The following GLIS3 variants were observed in gnomAD, a reference collection of about 807,000 sequenced individuals.
GLIS3 encodes GLIS family zinc finger 3.
GLIS3 carries 53 observed loss-of-function variants against 78.6 expected under a neutral mutation model. The observed-to-expected ratio is 0.67, with a 90% CI of 0.54 to 0.85. The LOEUF is 0.85. GLIS3 is among the 40% of genes least tolerant of loss of function. The probability of loss-of-function intolerance (pLI) is 0.00; values close to 1 mark genes in which losing one functional copy is unlikely to be tolerated. For synonymous variants in GLIS3, 684 were observed against 509.9 expected (o/e 1.34, Z -4.60); for missense variants, 1,703 against 1,231.1 (o/e 1.38, Z -5.74).
intron 4 of GLIS3, among the ~76,000 whole-genome samples, chr9:4,096,642 C>A (rs806033): frequency 0.18 from 26,701 of 151,954 alleles, 3,347 homozygotes; most frequent in African/African-American, 0.36. Flanking sequence ...GTGATGTGAT[C>A]CAGTCTTCTA....
intron 2 of GLIS3, among the ~76,000 whole-genome samples, chr9:4,228,663 A>G (rs989690849): frequency 6.6e-6 from 1 of 152,222 alleles, no homozygotes; most frequent in Non-Finnish European, 1.5e-5. Context: ...TCCATGTGCA[A>G]GCCTCTAGGC....
At chr9:4,302,449 A>G (rs749092034), upstream of GLIS3, among the ~76,000 whole-genome samples, 6 of 152,238 alleles carry the variant, frequency 3.9e-5, no homozygotes, top group Non-Finnish European at 7.3e-5. Flanking sequence ...TATTGGGACT[A>G]AAGGAATTAA....
chr9:4,072,780 T>C (rs956583136), intron 4 of GLIS3, among the ~76,000 whole-genome samples: 21 of 150,598 alleles, frequency 1.4e-4, no homozygotes, highest in Non-Finnish European at 8.8e-5. Flanking sequence ...TGTGCTGCTG[T>C]TGTTGTTTAG....
At chr9:3,830,753 G>T (rs1183818152) in intron 9 of GLIS3, among the ~76,000 whole-genome samples, 2 of 152,136 alleles carry the variant, frequency 1.3e-5, no homozygotes, top group African/African-American at 2.4e-5. Flanking sequence ...AGATTGGAAG[G>T]CTTCATCCCT....
At chr9:4,066,684 G>T (rs1326490832) in intron 4 of GLIS3, among the ~76,000 whole-genome samples, 1 of 152,192 alleles carries the variant, frequency 6.6e-6, no homozygotes, top group African/African-American at 2.4e-5. Flanking sequence ...GCTGGACCCT[G>T]TAACATTTCT....
chr9:3,837,709 A>G lies in GLIS3; in HGVS notation c.2474-8217T>C, dbSNP rs564188386. Among the ~76,000 whole-genome samples, 87 of 152,330 alleles carry G rather than the reference A, an allele frequency of 5.7e-4. 1 individual carries two copies. Among genetic ancestry groups the G allele is most frequent in the South Asian group, 2.1e-3 (10 of 4,826 alleles). ...ACATGCTGCATGACTCCAACTATAC[A>G]ACATTCTGGAAAAGGCAAAATTATA... On this transcript the variant is annotated intron_variant, in intron 9 of 10. Transcript: ENST00000381971.
intron 2 of GLIS3, among the ~76,000 whole-genome samples, chr9:4,181,068 A>G (rs928476206): frequency 1.3e-5 from 2 of 152,238 alleles, no homozygotes; most frequent in African/African-American, 4.8e-5. Context: ...AGGCACAGGC[A>G]TGTCATTCGT....
chr9:4,459,632 G>C, the GLIS3 span, among the ~76,000 whole-genome samples: 15 of 152,114 alleles, frequency 9.9e-5, no homozygotes, highest in African/African-American at 3.6e-4. Context: ...AAGCATGGTG[G>C]TACACGCCTG....
intron 2 of GLIS3, among the ~76,000 whole-genome samples, chr9:4,336,497 C>T (rs944416983): frequency 2.2e-5 from 1 of 45,976 alleles, no homozygotes. Context: ...ATACATGTGT[C>T]GGGGTGTTGA....
At chr9:4,184,604 G>A (rs991134134) in intron 2 of GLIS3, among the ~76,000 whole-genome samples, 1 of 152,166 alleles carries the variant, frequency 6.6e-6, no homozygotes. Flanking sequence ...AAGAGAGAGA[G>A]GAGAAAAGAG....
intron 4 of GLIS3, among the ~76,000 whole-genome samples, chr9:4,091,392 T>G (rs977999185): frequency 6.6e-6 from 1 of 151,872 alleles, no homozygotes; most frequent in Non-Finnish European, 1.5e-5. Flanking sequence ...AAAAAAATAA[T>G]TAAACGTTTG....
chr9:4,423,251 A>G, the GLIS3 span, among the ~76,000 whole-genome samples: 1 of 152,178 alleles, frequency 6.6e-6, no homozygotes, highest in African/African-American at 2.4e-5. Flanking sequence ...ATCTGACGTC[A>G]CAGACCCCAA....
chr9:4,196,950 G>A (rs2131247094), intron 2 of GLIS3, among the ~76,000 whole-genome samples: 1 of 151,560 alleles, frequency 6.6e-6, no homozygotes, highest in African/African-American at 2.4e-5. Context: ...CCCCTAGGCA[G>A]AACTCCAGGC....
chr9:4,156,442 G>C (rs1218604149), intron 2 of GLIS3, among the ~76,000 whole-genome samples: 1 of 152,122 alleles, frequency 6.6e-6, no homozygotes, highest in Non-Finnish European at 1.5e-5. Flanking sequence ...ACACTTAGCA[G>C]GTGCCAGCTG....
At chr9:4,196,192 G>C (rs981930298) in intron 2 of GLIS3, among the ~76,000 whole-genome samples, 1 of 152,098 alleles carries the variant, frequency 6.6e-6, no homozygotes, top group Non-Finnish European at 1.5e-5. Context: ...TCTAGCCAGA[G>C]GATTGTATAT....
the GLIS3 span, among the ~76,000 whole-genome samples, chr9:4,404,658 T>C: frequency 6.6e-6 from 1 of 151,986 alleles, no homozygotes; most frequent in African/African-American, 2.4e-5. Flanking sequence ...AACTGAAAGA[T>C]TTCTTGAAAC....
chr9:3,987,587 A>G (rs552202273), intron 4 of GLIS3, among the ~76,000 whole-genome samples: 1 of 151,776 alleles, frequency 6.6e-6, no homozygotes, highest in Non-Finnish European at 1.5e-5. Flanking sequence ...CTGTAATCCC[A>G]GCTACTCAGG....
chr9:4,046,530 A>G (rs1328515351), intron 4 of GLIS3, among the ~76,000 whole-genome samples: 3 of 152,312 alleles, frequency 2.0e-5, no homozygotes, highest in South Asian at 4.1e-4. Flanking sequence ...AAAACTGAAC[A>G]TGGGTCAAAG....
At chr9:4,321,917 C>T (rs548504864) in intron 2 of GLIS3, among the ~76,000 whole-genome samples, 1 of 152,174 alleles carries the variant, frequency 6.6e-6, no homozygotes, top group South Asian at 2.1e-4. Flanking sequence ...CTGGGGTACA[C>T]GTGCATAACC....
Sources: allele counts gnomAD v4.1 joint callset (sites outside exome capture counted in the v4.1 genomes callset), GRCh38; gene constraint gnomAD v4.1.1; transcripts MANE v1.5; gene names NCBI Gene and HGNC (gene_info 2026-07-23, HGNC 2026-07-21).